The following CDH12 variants were observed in gnomAD, a reference collection of about 807,000 sequenced individuals.
The protein encoded by CDH12 is cadherin 12.
CDH12 carries 41 observed loss-of-function variants against 74.1 expected under a neutral mutation model. That is an observed-to-expected ratio of 0.55 (90% confidence interval 0.43 to 0.72). The LOEUF (loss-of-function observed/expected upper bound fraction) is 0.72, where lower values mean the gene tolerates loss of function less well. Among genes scored for constraint, CDH12 ranks in the 30% least tolerant of loss-of-function variants. CDH12 has a pLI of 0.00. For synonymous variants in CDH12, 399 were observed against 355.0 expected (o/e 1.12, Z -1.39); for missense variants, 945 against 977.2 (o/e 0.97, Z 0.44).
intron 1 of CDH12, among the ~76,000 whole-genome samples, chr5:22,661,852 A>G (rs992087082): frequency 6.6e-6 from 1 of 152,116 alleles, no homozygotes; most frequent in Non-Finnish European, 1.5e-5. Context: ...CTTTCCCTAA[A>G]CACAATTACT....
chr5:22,175,316 C>T (rs1456196691), intron 4 of CDH12, among the ~76,000 whole-genome samples: 1 of 151,632 alleles, frequency 6.6e-6, no homozygotes, highest in East Asian at 1.9e-4. Flanking sequence ...AGTAAACCAT[C>T]TATCCATGTC....
intron 1 of CDH12, among the ~76,000 whole-genome samples, chr5:22,654,257 T>G (rs976011462): frequency 6.6e-6 from 1 of 151,656 alleles, no homozygotes; most frequent in Non-Finnish European, 1.5e-5. Flanking sequence ...TCTTTCTCTT[T>G]CTTGCTTTCT....
chr5:22,435,934 C>A (rs989173958), intron 2 of CDH12, among the ~76,000 whole-genome samples: 2 of 151,806 alleles, frequency 1.3e-5, no homozygotes, highest in African/African-American at 2.4e-5. Flanking sequence ...GGTTTCCCCC[C>A]ACCCATCATG....
rs745849573 is a variant in CDH12, at chr5:22,470,876, TTC to T, written c.-428+34392_-428+34393del. Among the ~76,000 whole-genome samples the T allele has an allele frequency of 2.6e-3, 340 of 130,858 alleles. 1 individual carries two copies. The highest frequency in any genetic ancestry group is 3.9e-3 in the Middle Eastern group (1 of 256). 85.8% of individuals were successfully genotyped at this position (130,858 alleles called of 152,430 possible). ...AAAACCTTAGCGCTTTTTTTTTTTT[TTC>T]TTCAACACTCCTGCTACTCTGCACC... On this transcript the variant is annotated intron_variant, in intron 2 of 14. Coordinates refer to ENST00000382254, the MANE Select transcript of CDH12 (RefSeq NM_004061.5).
At position 21,751,763 on chromosome 5, in the gene CDH12, T is replaced by C. The variant is rs142721168; in HGVS notation, c.2359A>G (p.Ser787Gly). 2.5e-6 allele frequency: 4 copies of C among 1,613,756 alleles called. No individual in the cohort carries two copies. Among genetic ancestry groups the C allele is most frequent in the Non-Finnish European group, 2.5e-6 (3 of 1,179,928 alleles). Reference protein sequence around the residue: ...VLADMFGEEESYNPDKVT With the variant: ...VLADMFGEEEGYNPDKVT ...TAAGTGACTTTATCAGGGTTATAACTCTCTTCTTCGCCAAACATGTCTGCC... is the reference window on the plus strand; with the variant it reads ...TAAGTGACTTTATCAGGGTTATAACCCTCTTCTTCGCCAAACATGTCTGCC... Residue 787 changes from serine to glycine, a missense_variant, in exon 15 of 15, where the codon AGT (serine) becomes GGT (glycine). Physicochemically the swap from Ser to Gly is moderately conservative, Grantham distance 56. This residue lies in a region of CDH12 where 791 missense variants were observed against 792.8 expected (regional missense o/e 1.00). Coordinates refer to ENST00000382254, the MANE Select transcript of CDH12 (RefSeq NM_004061.5).
At chr5:21,808,035 A>C (rs116806334) in intron 9 of CDH12, among the ~76,000 whole-genome samples, 4,502 of 152,214 alleles carry the variant, frequency 0.03, 81 homozygotes, top group African/African-American at 0.036. Flanking sequence ...GCAAGTGCTC[A>C]AGGGGTGCCT....
At chr5:22,781,647 C>T (rs1234688064) in intron 1 of CDH12, among the ~76,000 whole-genome samples, 3 of 152,098 alleles carry the variant, frequency 2.0e-5, no homozygotes, top group Non-Finnish European at 4.4e-5. Context: ...GCAATTGCCC[C>T]CTAATAGGTT....
At chr5:22,590,694 A>G (rs1244758850) in intron 1 of CDH12, among the ~76,000 whole-genome samples, 1 of 152,166 alleles carries the variant, frequency 6.6e-6, no homozygotes, top group Non-Finnish European at 1.5e-5. Flanking sequence ...TCTAAAAACA[A>G]TATTTGCAGG....
intron 1 of CDH12, among the ~76,000 whole-genome samples, chr5:22,648,001 C>A (rs532214682): frequency 2.0e-5 from 3 of 151,728 alleles, no homozygotes; most frequent in African/African-American, 7.3e-5. Context: ...GCTTTTGGAA[C>A]GGTTGTTACT....
chr5:22,642,807 T>C (rs1347496498), intron 1 of CDH12, among the ~76,000 whole-genome samples: 1 of 152,162 alleles, frequency 6.6e-6, no homozygotes, highest in Non-Finnish European at 1.5e-5. Context: ...AACATTAGTA[T>C]AGATAAAAAT....
intron 3 of CDH12, among the ~76,000 whole-genome samples, chr5:22,370,161 T>C (rs767720990): frequency 1.3e-5 from 2 of 152,146 alleles, no homozygotes; most frequent in Non-Finnish European, 2.9e-5. Context: ...GCTTATATAT[T>C]GCACATATTC....
intron 1 of CDH12, among the ~76,000 whole-genome samples, chr5:22,618,664 T>A (rs1737806378): frequency 6.6e-6 from 1 of 152,172 alleles, no homozygotes; most frequent in African/African-American, 2.4e-5. Context: ...CTATAAATTA[T>A]TCAAAGGTGT....
chr5:22,047,372 C>T (rs1740026172), intron 5 of CDH12, among the ~76,000 whole-genome samples: 1 of 151,950 alleles, frequency 6.6e-6, no homozygotes, highest in Non-Finnish European at 1.5e-5. Flanking sequence ...TTTGTTTTTG[C>T]TACCACAATT....
chr5:22,600,187 T>C (rs144366804), intron 1 of CDH12, among the ~76,000 whole-genome samples: 1 of 152,104 alleles, frequency 6.6e-6, no homozygotes, highest in Non-Finnish European at 1.5e-5. Flanking sequence ...TATAAGATTA[T>C]TATAAGCATT....
rs1233356537 is a variant in CDH12, at chr5:22,793,606, G to A, written c.-523+59452C>T. 4.6e-5 allele frequency among the ~76,000 whole-genome samples: 7 copies of A among 152,148 alleles called. No individual in the cohort carries two copies. In the East Asian group the frequency reaches 1.3e-3, roughly 29 times the overall value. The stretch of plus-strand genomic sequence containing the variant: ...CTTATGAATAATGCTTTCATGAAAA[G>A]CAACCTACTACATTTATTTGACCTA... On this transcript the variant is annotated intron_variant, in intron 1 of 14. Transcript: ENST00000382254.
At chr5:22,595,878 C>T (rs1474794849) in intron 1 of CDH12, among the ~76,000 whole-genome samples, 3 of 151,860 alleles carry the variant, frequency 2.0e-5, no homozygotes, top group African/African-American at 4.8e-5. Context: ...GAGCTCGAGA[C>T]CATCCTGGCT....
At chr5:22,053,354 A>ATG (rs1254821105) in intron 5 of CDH12, among the ~76,000 whole-genome samples, 4 of 152,122 alleles carry the variant, frequency 2.6e-5, no homozygotes, top group Non-Finnish European at 5.9e-5. Flanking sequence ...AGGATGAATA[A>ATG]TGTGTGTGAC....
At chr5:22,106,884 CA>C (rs1744476168) in intron 4 of CDH12, among the ~76,000 whole-genome samples, 1 of 152,118 alleles carries the variant, frequency 6.6e-6, no homozygotes. Flanking sequence ...GAGTTATATG[CA>C]TCTTAATAGA....
intron 3 of CDH12, among the ~76,000 whole-genome samples, chr5:22,293,064 AAC>A (rs963526773): frequency 3.9e-5 from 6 of 152,150 alleles, no homozygotes; most frequent in African/African-American, 1.4e-4. Flanking sequence ...CCCAATCTGT[AAC>A]ACACATCTGT....
Sources: gnomAD v4.1 joint callset for allele counts (sites outside exome capture counted in the v4.1 genomes callset) on GRCh38, gnomAD v4.1.1 for gene constraint, gnomAD v4.1.1 regional missense constraint, MANE v1.5 for transcripts, NCBI Gene and HGNC (gene_info 2026-07-23, HGNC 2026-07-21) for gene names.